Variants in DCX observed in about 807,000 individuals in gnomAD.
DCX encodes the protein neuronal migration protein doublecortin.
DCX carries 4 observed loss-of-function variants against 20.9 expected under a neutral mutation model. That is an observed-to-expected ratio of 0.19 (90% confidence interval 0.09 to 0.44). The LOEUF (loss-of-function observed/expected upper bound fraction) is 0.44, where lower values mean the gene tolerates loss of function less well. Among genes scored for constraint, DCX ranks in the 20% least tolerant of loss-of-function variants. The pLI is 0.99. For missense variants in DCX, 133 were observed against 296.9 expected, an observed-to-expected ratio of 0.45 and a Z score of 4.06; for synonymous variants, 103 against 111.4, an observed-to-expected ratio of 0.92 and a Z score of 0.47.
At chrX:111,387,860 A>C (rs1184197645) in intron 3 of DCX, among the ~76,000 whole-genome samples, 2 of 111,739 alleles carry the variant, frequency 1.8e-5, no homozygotes, top group Admixed American at 9.5e-5. Context: ...CGAGCCATTC[A>C]GACCCCTAGG....
intron 2 of DCX, among the ~76,000 whole-genome samples, chrX:111,408,231 A>T (rs747069704): frequency 5.4e-5 from 6 of 111,577 alleles, no homozygotes; most frequent in African/African-American, 2.0e-4. Flanking sequence ...CAGTCCTTTG[A>T]TGGTCAGGAA....
At chrX:111,328,176 T>C (rs1023426276) in intron 5 of DCX, among the ~76,000 whole-genome samples, 1 of 112,034 alleles carries the variant, frequency 8.9e-6, no homozygotes, top group Non-Finnish European at 1.9e-5. Flanking sequence ...CTGTTTATCG[T>C]GTGGGTTGGA....
chrX:111,369,603 G>A (rs1924913870), intron 3 of DCX, among the ~76,000 whole-genome samples: 2 of 111,761 alleles, frequency 1.8e-5, no homozygotes, highest in African/African-American at 6.5e-5. Flanking sequence ...CCATGACAGG[G>A]AACATGTGAA....
intron 4 of DCX, 38 bp downstream of exon 4, chrX:111,333,013 A>G (rs976670123): frequency 1.0e-6 from 1 of 992,888 alleles, no homozygotes. Flanking sequence ...AGAAGGGGAG[A>G]GAACAATGGA....
intron 3 of DCX, among the ~76,000 whole-genome samples, chrX:111,372,444 C>A (rs1334742300): frequency 8.9e-6 from 1 of 111,858 alleles, no homozygotes; most frequent in African/African-American, 3.2e-5. Flanking sequence ...TTATGCTACC[C>A]TTCCTCCTAA....
rs1392150093 is a variant in DCX at position 111,297,851 on chromosome X, T to C, written c.*3836A>G. ...TTTGGTGCAAACACAGGAGCCAATG[T>C]TTAACATCAGCCAGGGTACATTTTT... On this transcript the variant is annotated 3_prime_UTR_variant, in exon 7 of 7. Coordinates refer to ENST00000636035, the MANE Select transcript of DCX (RefSeq NM_001195553.2). 9.0e-6 allele frequency: 1 copy of C among 111,385 alleles called. No homozygotes were observed. The highest frequency in any genetic ancestry group is 1.9e-5 in the Non-Finnish European group (1 of 53,075). The allele number at this position is 111,385 out of a possible 1,213,427, so 9.2% of individuals were successfully genotyped here.
At chrX:111,330,783 T>C (rs1257907616) in intron 5 of DCX, 121 bp downstream of exon 5, 1 of 1,028,430 alleles carries the variant, frequency 9.7e-7, no homozygotes, top group Non-Finnish European at 1.4e-6. Context: ...GTCCCTGAAT[T>C]GATAGAATAG....
intron 2 of DCX, among the ~76,000 whole-genome samples, chrX:111,409,111 T>C (rs1928489736): frequency 9.0e-6 from 1 of 111,148 alleles, no homozygotes; most frequent in African/African-American, 3.3e-5. Context: ...AGCACTGTAT[T>C]AGGTCAAATT....
At chrX:111,358,702 A>G (rs927883675) in intron 3 of DCX, among the ~76,000 whole-genome samples, 1 of 112,145 alleles carries the variant, frequency 8.9e-6, no homozygotes, top group Non-Finnish European at 1.9e-5. Context: ...GTCTGTGATT[A>G]TCCACTCACA....
At chrX:111,336,363 A>G (rs754106876) in intron 3 of DCX, among the ~76,000 whole-genome samples, 18 of 112,416 alleles carry the variant, frequency 1.6e-4, no homozygotes, top group Admixed American at 1.4e-3. Context: ...CAGACTCACA[A>G]TGGTGTGGCT....
chrX:111,327,116 G>T (rs2095101341), intron 5 of DCX, among the ~76,000 whole-genome samples: 1 of 111,810 alleles, frequency 8.9e-6, no homozygotes. Context: ...GAGCACTTTT[G>T]GTCTTTCTTT....
In DCX at chrX:111,338,847, A is replaced by G. The variant is rs770857248; in HGVS notation, c.706-5694T>C. Among the ~76,000 whole-genome samples the G allele has an allele frequency of 3.6e-3, 398 of 110,742 alleles. 2 individuals are homozygous for G. The highest frequency in any genetic ancestry group is 0.012 in the African/African-American group (378 of 30,487). On this transcript the variant is annotated intron_variant, in intron 3 of 6. Coordinates refer to ENST00000636035, the MANE Select transcript of DCX (RefSeq NM_001195553.2). ...TTTATGGTATTTTATGTTTTCTTTC[A>G]TACTTGTAATTCTCCTCTCAACTCA...
chrX:111,328,262 A>G (rs2147625620), intron 5 of DCX, among the ~76,000 whole-genome samples: 1 of 111,293 alleles, frequency 9.0e-6, no homozygotes, highest in South Asian at 3.8e-4. Context: ...TTGCCTGCCA[A>G]AGCCTGGGTT....
chrX:111,370,105 T>C (rs931285024), intron 3 of DCX, among the ~76,000 whole-genome samples: 3 of 111,792 alleles, frequency 2.7e-5, no homozygotes, highest in Non-Finnish European at 3.8e-5. Flanking sequence ...ACAAAATATA[T>C]CTCTTTTTGA....
rs905699284 is a variant in DCX, at chrX:111,313,063, T to A, written c.947-327A>T. 4.5e-5 allele frequency among the ~76,000 whole-genome samples: 5 copies of A among 111,161 alleles called. No homozygotes were observed. In the South Asian group the frequency reaches 1.2e-3, roughly 26 times the overall value. On this transcript the variant is annotated intron_variant, in intron 5 of 6. Transcript: ENST00000636035. The stretch of plus-strand genomic sequence containing the variant: ...TGCCCCTAACATCTCTGGGAGGTAG[T>A]CTGGGAAGGTATTATTTTGCTTTAA...
At chrX:111,402,624 T>TC (rs1346371800) in intron 2 of DCX, among the ~76,000 whole-genome samples, 2 of 111,976 alleles carry the variant, frequency 1.8e-5, no homozygotes, top group East Asian at 5.6e-4. Context: ...GATAATTCAC[T>TC]CCCTTTGCAA....
chrX:111,341,395 T>C (rs1367559951), intron 3 of DCX, among the ~76,000 whole-genome samples: 3 of 110,497 alleles, frequency 2.7e-5, no homozygotes, highest in African/African-American at 9.9e-5. Context: ...GAACCTACGA[T>C]TGATTGCAGT....
chrX:111,351,852 G>A (rs1462081646), intron 3 of DCX, among the ~76,000 whole-genome samples: 1 of 111,967 alleles, frequency 8.9e-6, no homozygotes, highest in East Asian at 2.8e-4. Flanking sequence ...AGCCTCCTGT[G>A]TAGCTGGGAC....
chrX:111,338,586 T>C (rs1921940683), intron 3 of DCX, among the ~76,000 whole-genome samples: 1 of 109,861 alleles, frequency 9.1e-6, no homozygotes, highest in Non-Finnish European at 1.9e-5. Flanking sequence ...CCTGACTTTT[T>C]TTTTTTTTTT....
Sources: allele counts gnomAD v4.1 joint callset (sites outside exome capture counted in the v4.1 genomes callset), GRCh38; gene constraint gnomAD v4.1.1; transcripts MANE v1.5; gene names NCBI Gene and HGNC (gene_info 2026-07-23, HGNC 2026-07-21).